The following DMD variants were observed in gnomAD, a reference collection of about 807,000 sequenced individuals.
DMD encodes mutant dystrophin.
DMD carries 63 observed loss-of-function variants against 330.1 expected under a neutral mutation model. The ratio of observed to expected loss-of-function variants is 0.19; its 90% confidence interval spans 0.16 to 0.24. DMD has a LOEUF of 0.24. Ranked by LOEUF, DMD falls within the 10% of genes least tolerant of loss-of-function variation. The pLI is 1.00. For missense variants in DMD, 3,344 were observed against 2,684.1 expected (o/e 1.25, Z -5.43); for synonymous variants, 1,223 against 959.8 (o/e 1.27, Z -5.07).
intron 44 of DMD, among the ~76,000 whole-genome samples, chrX:32,046,032 G>GT (rs1249856173): frequency 8.9e-6 from 1 of 112,285 alleles, no homozygotes; most frequent in Non-Finnish European, 1.9e-5. Flanking sequence ...AATGGAAACT[G>GT]TAACAGTAAA....
At chrX:31,609,191 T>G (rs1188533034) in intron 55 of DMD, among the ~76,000 whole-genome samples, 1 of 111,192 alleles carries the variant, frequency 9.0e-6, no homozygotes, top group African/African-American at 3.3e-5. Flanking sequence ...CTGGAGGCAA[T>G]CCTTTAACAG....
chrX:31,121,765 T>C lies in DMD; in HGVS notation c.*154A>G. On this transcript the variant is annotated 3_prime_UTR_variant, in exon 79 of 79. Coordinates refer to ENST00000357033, the MANE Select transcript of DMD (RefSeq NM_004006.3). ...TATAGATTTATTTCTTGTAAACTCT[T>C]ACTGTCTAATCCTCTTTGTTGTATG... The C allele has an allele frequency of 1.2e-6, 1 of 801,945 alleles. No homozygotes were observed. Among genetic ancestry groups the C allele is most frequent in the Non-Finnish European group, 1.9e-6 (1 of 524,725 alleles). 66.1% of individuals were successfully genotyped at this position (801,945 alleles called of 1,213,427 possible).
At chrX:32,183,571 A>ATATATATAT (rs2096934749) in intron 44 of DMD, among the ~76,000 whole-genome samples, 48 of 95,092 alleles carry the variant, frequency 5.0e-4, no homozygotes, top group African/African-American at 1.6e-3. Context: ...TATATATATA[A>ATATATATAT]ATATATATAT....
At chrX:32,440,808 C>A (rs1300242800) in intron 28 of DMD, among the ~76,000 whole-genome samples, 1 of 111,507 alleles carries the variant, frequency 9.0e-6, no homozygotes, top group South Asian at 3.7e-4. Context: ...CAATTCAATA[C>A]GTGCAGCTTT....
In DMD at chrX:31,478,096, T is replaced by A. The variant is rs773865736; in HGVS notation, c.8937+10A>T. 3 of 1,209,512 alleles carry A rather than the reference T, an allele frequency of 2.5e-6. No individual in the cohort carries two copies. In the East Asian group the frequency reaches 8.9e-5, roughly 36 times the overall value. The stretch of plus-strand genomic sequence containing the variant: ...CTCAAAGGGCCCTGAAGCAAAGAAG[T>A]AGACGGTACCTTGACTTTCTCGAGG... On this transcript the variant is annotated intron_variant, in intron 59 of 78. Coordinates refer to ENST00000357033, the MANE Select transcript of DMD (RefSeq NM_004006.3).
intron 74 of DMD, among the ~76,000 whole-genome samples, chrX:31,154,666 T>C (rs1050679296): frequency 9.0e-6 from 1 of 111,585 alleles, no homozygotes; most frequent in Non-Finnish European, 1.9e-5. Flanking sequence ...ATTTTGCTTT[T>C]CTTGAAGGTA....
intron 29 of DMD, among the ~76,000 whole-genome samples, chrX:32,432,658 G>A (rs1191518416): frequency 3.6e-5 from 4 of 112,152 alleles, no homozygotes; most frequent in Admixed American, 1.9e-4. Context: ...AAGGACTGAC[G>A]TAAAACTGTG....
intron 11 of DMD, among the ~76,000 whole-genome samples, chrX:32,632,413 G>A (rs992935032): frequency 2.7e-5 from 3 of 111,822 alleles, no homozygotes; most frequent in African/African-American, 9.8e-5. Flanking sequence ...GAGTCTGGAG[G>A]ACAGTGGCCC....
chrX:31,566,633 A>G (rs140285196), intron 55 of DMD, among the ~76,000 whole-genome samples: 2,453 of 111,687 alleles, frequency 0.022, 36 homozygotes, highest in Non-Finnish European at 0.034. Flanking sequence ...TGTGTACAGA[A>G]ATCCTTGATA....
intron 7 of DMD, among the ~76,000 whole-genome samples, chrX:32,801,984 CA>C (rs1291755664): frequency 9.0e-6 from 1 of 111,711 alleles, no homozygotes; most frequent in African/African-American, 3.3e-5. Context: ...ATGGTTTTGG[CA>C]ATGCAGGCTC....
chrX:32,041,823 A>G (rs2096006162), intron 44 of DMD, among the ~76,000 whole-genome samples: 1 of 108,369 alleles, frequency 9.2e-6, no homozygotes, highest in African/African-American at 3.4e-5. Context: ...GCATAATTAG[A>G]TTTAAAATTT....
intron 12 of DMD, among the ~76,000 whole-genome samples, chrX:32,606,264 A>C (rs1388481598): frequency 9.1e-6 from 1 of 110,302 alleles, no homozygotes; most frequent in Non-Finnish European, 1.9e-5. Flanking sequence ...CCCACAAATA[A>C]GTCAGAACAT....
intron 59 of DMD, among the ~76,000 whole-genome samples, chrX:31,476,303 T>G (rs1488516972): frequency 9.5e-6 from 1 of 105,198 alleles, no homozygotes; most frequent in Non-Finnish European, 1.9e-5. Context: ...AAGGCAGATA[T>G]ATCTATATCT....
intron 60 of DMD, among the ~76,000 whole-genome samples, chrX:31,373,173 T>C (rs1480461463): frequency 1.2e-3 from 127 of 106,089 alleles, no homozygotes; most frequent in African/African-American, 4.0e-3. Flanking sequence ...TAAAAGAGGA[T>C]ACAAAGAAAT....
chrX:31,164,348 C>G (rs1289660674), intron 74 of DMD, among the ~76,000 whole-genome samples: 1 of 111,514 alleles, frequency 9.0e-6, no homozygotes, highest in Non-Finnish European at 1.9e-5. Flanking sequence ...TCAACTCGAC[C>G]TCTTCCATAC....
chrX:31,183,970 C>T (rs1250940999), intron 67 of DMD, among the ~76,000 whole-genome samples: 3 of 108,272 alleles, frequency 2.8e-5, no homozygotes, highest in Non-Finnish European at 3.8e-5. Flanking sequence ...AGTGCAGTGG[C>T]GTGATCTCGG....
intron 1 of DMD, among the ~76,000 whole-genome samples, chrX:33,223,939 C>T: frequency 8.9e-6 from 1 of 112,277 alleles, no homozygotes; most frequent in East Asian, 2.8e-4. Context: ...ACAGATAACT[C>T]ACCAAAGAAG....
intron 37 of DMD, among the ~76,000 whole-genome samples, chrX:32,353,323 T>C (rs1444521856): frequency 8.9e-6 from 1 of 111,900 alleles, no homozygotes; most frequent in African/African-American, 3.2e-5. Context: ...TAACTTGGAA[T>C]TCTTATGCAA....
At chrX:32,614,756 C>T (rs1304067563) in intron 11 of DMD, among the ~76,000 whole-genome samples, 4 of 111,135 alleles carry the variant, frequency 3.6e-5, no homozygotes, top group Non-Finnish European at 5.7e-5. Context: ...GGCAGTTGTT[C>T]GTTTACATTC....
Sources: allele counts gnomAD v4.1 joint callset (sites outside exome capture counted in the v4.1 genomes callset), GRCh38; gene constraint gnomAD v4.1.1; transcripts MANE v1.5; gene names NCBI Gene and HGNC (gene_info 2026-07-23, HGNC 2026-07-21).